ANKS1B: variants seen among roughly 807,000 people sequenced by gnomAD.
ANKS1B encodes ankyrin repeat and sterile alpha motif domain-containing protein 1B.
A neutral mutation model predicts 148.3 loss-of-function variants in ANKS1B; 36 were observed. The observed-to-expected ratio is 0.24, with a 90% confidence interval of 0.19 to 0.32. The LOEUF is 0.32. Among genes scored for constraint, ANKS1B ranks in the 10% least tolerant of loss-of-function variants. The pLI, the probability that ANKS1B is intolerant of heterozygous loss-of-function variation, is 1.00. For missense variants in ANKS1B, 1,157 were observed against 1,542.6 expected, an observed-to-expected ratio of 0.75 and a Z score of 4.19; for synonymous variants, 542 against 560.8, an observed-to-expected ratio of 0.97 and a Z score of 0.47.
chr12:99,295,680 T>A (rs543427608), intron 12 of ANKS1B, among the ~76,000 whole-genome samples: 2 of 152,282 alleles, frequency 1.3e-5, no homozygotes, highest in South Asian at 4.1e-4. Context: ...GTCATGGGGG[T>A]TTGTTGTACA....
chr12:99,478,307 C>A (rs1215779482), intron 10 of ANKS1B, among the ~76,000 whole-genome samples: 2 of 152,002 alleles, frequency 1.3e-5, no homozygotes, highest in African/African-American at 4.8e-5. Flanking sequence ...TAGGTTAATA[C>A]CTCTGTTTCT....
chr12:98,795,757 AT>A, intron 22 of ANKS1B: 5 of 409,144 alleles, frequency 1.2e-5, no homozygotes, highest in South Asian at 9.2e-5. Flanking sequence ...CAGTCTCTGG[AT>A]TCACAGTGTG....
chr12:98,847,217 G>A (rs1284623907), intron 17 of ANKS1B, among the ~76,000 whole-genome samples: 1 of 152,112 alleles, frequency 6.6e-6, no homozygotes, highest in African/African-American at 2.4e-5. Flanking sequence ...GATCTCTAGA[G>A]CTTATTTCTC....
intron 1 of ANKS1B, among the ~76,000 whole-genome samples, chr12:99,934,548 T>C (rs2094708677): frequency 6.6e-6 from 1 of 152,130 alleles, no homozygotes; most frequent in African/African-American, 2.4e-5. Context: ...TCCAATTTTT[T>C]TGGTATATAG....
intron 9 of ANKS1B, among the ~76,000 whole-genome samples, chr12:99,548,826 C>T (rs533153098): frequency 6.6e-6 from 1 of 152,252 alleles, no homozygotes; most frequent in African/African-American, 2.4e-5. Context: ...GACATTCAGT[C>T]ATTAGAAGTT....
chr12:98,805,291 T>C (rs1346389270), intron 20 of ANKS1B, among the ~76,000 whole-genome samples: 2 of 119,674 alleles, frequency 1.7e-5, no homozygotes, highest in Non-Finnish European at 3.3e-5. Context: ...TTATTTTTTA[T>C]ATGTATGCTT....
intron 1 of ANKS1B, among the ~76,000 whole-genome samples, chr12:99,915,245 C>T (rs556689913): frequency 3.2e-4 from 39 of 120,258 alleles, no homozygotes; most frequent in African/African-American, 1.2e-3. Context: ...AAAAAAAAAG[C>T]TCCAACTGTG....
chr12:99,380,350 T>C (rs2093588458), intron 12 of ANKS1B, among the ~76,000 whole-genome samples: 1 of 152,192 alleles, frequency 6.6e-6, no homozygotes, highest in African/African-American at 2.4e-5. Flanking sequence ...ACCTACAAAA[T>C]ATATTTTGTT....
rs531023609 is a variant in ANKS1B at position 99,718,719 on chromosome 12, A to T, written c.1128+54203T>A. ...CTCTCCTATCTTCAATACCTCCCTC[A>T]ACAACCCATTATTCTGTTCTGGATC... On this transcript the variant is annotated intron_variant, in intron 8 of 26. Transcript: ENST00000683438. 2.9e-3 allele frequency among the ~76,000 whole-genome samples: 442 copies of T among 152,180 alleles called. 1 individual carries two copies. The highest frequency in any genetic ancestry group is 0.014 in the Middle Eastern group (4 of 294).
intron 8 of ANKS1B, among the ~76,000 whole-genome samples, chr12:99,674,426 C>A (rs553328659): frequency 1.3e-5 from 2 of 151,732 alleles, no homozygotes; most frequent in African/African-American, 2.4e-5. Context: ...AATTTAAAAA[C>A]CGCTATAAAA....
At chr12:99,016,639 G>A (rs1307931075) in intron 17 of ANKS1B, among the ~76,000 whole-genome samples, 1 of 152,168 alleles carries the variant, frequency 6.6e-6, no homozygotes, top group Admixed American at 6.5e-5. Context: ...CTGGGTGACA[G>A]AGTGAGGCTT....
chr12:99,315,333 T>C (rs931819908), intron 12 of ANKS1B, among the ~76,000 whole-genome samples: 2 of 150,746 alleles, frequency 1.3e-5, no homozygotes, highest in African/African-American at 4.9e-5. Context: ...AAAGGTCTAA[T>C]ATGCAAAAGT....
intron 15 of ANKS1B, among the ~76,000 whole-genome samples, chr12:99,108,505 A>T (rs1379598508): frequency 6.6e-6 from 1 of 152,224 alleles, no homozygotes; most frequent in Admixed American, 6.5e-5. Context: ...CATAAATAAC[A>T]TTCAGCAATC....
chr12:99,655,193 G>C lies in ANKS1B; in HGVS notation c.1146C>G (p.Ile382Met). ...GSQSVRTSST[I>M]NLSPGEVEEE... Reference sequence around the variant, plus strand: ...CTTCCACTTCTCCTGGTGACAAATTGATTGTAGATGAGGTTCTCTGAAATT... The same window carrying C: ...CTTCCACTTCTCCTGGTGACAAATTCATTGTAGATGAGGTTCTCTGAAATT... The change falls in exon 9 of 27, where the codon ATC becomes ATG. Residue 382 changes from isoleucine to methionine, a missense_variant. Around this residue, in one of 6 missense-constraint regions of ANKS1B, gnomAD observed 661 missense variants for 642.1 expected, o/e 1.03. Transcript: ENST00000683438. 6.2e-7 allele frequency: 1 copy of C among 1,609,670 alleles called. No homozygotes were observed. Among genetic ancestry groups the C allele is most frequent in the Non-Finnish European group, 8.5e-7 (1 of 1,177,428 alleles).
intron 1 of ANKS1B, among the ~76,000 whole-genome samples, chr12:99,864,212 T>C (rs2090437890): frequency 6.6e-6 from 1 of 151,880 alleles, no homozygotes; most frequent in African/African-American, 2.4e-5. Context: ...CCACCTTCAA[T>C]CTCTTTATCC....
intron 9 of ANKS1B, among the ~76,000 whole-genome samples, chr12:99,583,208 A>G (rs1368941919): frequency 6.6e-6 from 1 of 152,192 alleles, no homozygotes; most frequent in East Asian, 1.9e-4. Flanking sequence ...CACTTCAACT[A>G]AAGGTACATG....
At position 99,122,993 on chromosome 12, in the gene ANKS1B, A is replaced by ATATATATATATATATATATAT. The variant is rs57985878; in HGVS notation, c.2526+31295_2526+31296insATATATATATATATATATATA. Reference sequence around the variant, plus strand: ...TAGAAATAAATCAGTAAAATTAAAAAAAAAATATATATATATATATAAACA... The same window carrying ATATATATATATATATATATAT: ...TAGAAATAAATCAGTAAAATTAAAAATATATATATATATATATATATAAAAATATATATATATATATAAACA... On this transcript the variant is annotated intron_variant, in intron 15 of 26. Coordinates refer to ENST00000683438, the MANE Select transcript of ANKS1B (RefSeq NM_001352186.2). 1.3e-3 allele frequency among the ~76,000 whole-genome samples: 184 copies of ATATATATATATATATATATAT among 138,080 alleles called. 2 individuals carry two copies. Among genetic ancestry groups the ATATATATATATATATATATAT allele is most frequent in the South Asian group, 3.9e-3 (17 of 4,304 alleles). The allele number at this position is 138,080 out of a possible 152,430, so 90.6% of individuals were successfully genotyped here.
At chr12:99,968,324 G>C (rs1407381545) in intron 1 of ANKS1B, among the ~76,000 whole-genome samples, 1 of 152,172 alleles carries the variant, frequency 6.6e-6, no homozygotes, top group African/African-American at 2.4e-5. Flanking sequence ...TTGGGAGGCC[G>C]AGACGGATGG....
intron 1 of ANKS1B, among the ~76,000 whole-genome samples, chr12:99,896,675 C>G (rs1012954865): frequency 6.6e-6 from 1 of 151,248 alleles, no homozygotes; most frequent in African/African-American, 2.4e-5. Context: ...ACAATGACAT[C>G]TAGAATATTA....
Sources: gnomAD v4.1 joint callset for allele counts (sites outside exome capture counted in the v4.1 genomes callset) on GRCh38, gnomAD v4.1.1 for gene constraint, gnomAD v4.1.1 regional missense constraint, MANE v1.5 for transcripts, NCBI Gene and HGNC (gene_info 2026-07-23, HGNC 2026-07-21) for gene names.